The following SLC1A2 variants were observed in gnomAD, a reference collection of about 807,000 sequenced individuals.
SLC1A2 encodes excitatory amino acid transporter 2.
SLC1A2 carries 15 observed loss-of-function variants against 48.8 expected under a neutral mutation model. That is an observed-to-expected ratio of 0.31 (90% CI 0.21 to 0.47). SLC1A2 has a LOEUF of 0.47. SLC1A2 is among the 20% of genes least tolerant of loss of function. SLC1A2 has a pLI of 0.99. For synonymous variants in SLC1A2, 279 were observed against 272.6 expected, an observed-to-expected ratio of 1.02 and a Z score of -0.23; for missense variants, 502 against 730.5, an observed-to-expected ratio of 0.69 and a Z score of 3.61.
chr11:35,298,106 G>A (rs1851228996), intron 6 of SLC1A2: 1 of 152,154 alleles, frequency 6.6e-6, no homozygotes, highest in Non-Finnish European at 1.5e-5. Flanking sequence ...TTCTCATTTG[G>A]TAAATGGGTT....
chr11:35,403,959 A>G (rs1054533031), intron 1 of SLC1A2, among the ~76,000 whole-genome samples: 1 of 34,004 alleles, frequency 2.9e-5, no homozygotes, highest in Non-Finnish European at 7.5e-5. Context: ...AGTCCTCTCT[A>G]AGCAAACATA....
chr11:35,403,648 C>A (rs1855196903), intron 1 of SLC1A2, among the ~76,000 whole-genome samples: 1 of 152,104 alleles, frequency 6.6e-6, no homozygotes, highest in South Asian at 2.1e-4. Flanking sequence ...TAAAGCAGGT[C>A]CTGCTTCCCA....
intron 1 of SLC1A2, among the ~76,000 whole-genome samples, chr11:35,363,575 C>G (rs949985657): frequency 6.6e-6 from 1 of 152,130 alleles, no homozygotes; most frequent in African/African-American, 2.4e-5. Context: ...GGCTTGGTCT[C>G]AAAATGACAG....
chr11:35,330,983 AG>A (rs1852406921), intron 1 of SLC1A2, among the ~76,000 whole-genome samples: 1 of 152,242 alleles, frequency 6.6e-6, no homozygotes, highest in African/African-American at 2.4e-5. Context: ...AAACTAAGGT[AG>A]TACCAGACCT....
intron 9 of SLC1A2, among the ~76,000 whole-genome samples, chr11:35,275,915 A>T (rs935382251): frequency 6.6e-5 from 10 of 152,154 alleles, no homozygotes; most frequent in Non-Finnish European, 1.0e-4. Context: ...CAGAGCTCAC[A>T]ACCAAGAGCT....
intron 1 of SLC1A2, among the ~76,000 whole-genome samples, chr11:35,339,319 C>T (rs1479484072): frequency 6.6e-6 from 1 of 152,214 alleles, no homozygotes; most frequent in East Asian, 1.9e-4. Context: ...TCAGTCAGGA[C>T]AGATTTTGCT....
chr11:35,322,439 C>T lies in SLC1A2; in HGVS notation c.18-4923G>A, dbSNP rs188718181. On this transcript the variant is annotated intron_variant, in intron 1 of 10. Coordinates refer to ENST00000278379, the MANE Select transcript of SLC1A2 (RefSeq NM_004171.4). The stretch of plus-strand genomic sequence containing the variant: ...ACTTCAGTGTCACCTTAGCTGGCAC[C>T]AAACTCTTTTTTCCACCTTCACTGA... The T allele has an allele frequency of 5.0e-4, 315 of 635,236 alleles. 1 individual carries two copies. The African/African-American group carries it at 5.2e-3, about 10-fold the overall frequency. 39.3% of individuals were successfully genotyped at this position (635,236 alleles called of 1,614,324 possible).
At chr11:35,391,978 A>G (rs1438013182) in intron 1 of SLC1A2, among the ~76,000 whole-genome samples, 1 of 152,206 alleles carries the variant, frequency 6.6e-6, no homozygotes, top group Non-Finnish European at 1.5e-5. Flanking sequence ...TGCGCTATCC[A>G]TTGCACCACA....
At chr11:35,393,565 C>T (rs1004306299) in intron 1 of SLC1A2, among the ~76,000 whole-genome samples, 3 of 152,146 alleles carry the variant, frequency 2.0e-5, no homozygotes, top group African/African-American at 7.2e-5. Flanking sequence ...GCCTATTGTC[C>T]TGAGCAGAGA....
At chr11:35,394,293 C>T (rs970437493) in intron 1 of SLC1A2, among the ~76,000 whole-genome samples, 1 of 152,068 alleles carries the variant, frequency 6.6e-6, no homozygotes, top group African/African-American at 2.4e-5. Context: ...CAAAACGGGT[C>T]TCCAAAGCCT....
intron 1 of SLC1A2, chr11:35,374,201 T>C: frequency 1.9e-6 from 1 of 515,332 alleles, no homozygotes; most frequent in South Asian, 2.1e-5. Flanking sequence ...CCTCCCTCGC[T>C]CTGTGACTTG....
intron 10 of SLC1A2, among the ~76,000 whole-genome samples, chr11:35,262,681 A>G (rs1386986334): frequency 6.6e-6 from 1 of 152,214 alleles, no homozygotes; most frequent in Non-Finnish European, 1.5e-5. Flanking sequence ...CAGCATCAAC[A>G]CAGTTAACTG....
intron 1 of SLC1A2, among the ~76,000 whole-genome samples, chr11:35,322,243 G>A (rs922620559): frequency 1.3e-5 from 2 of 152,116 alleles, no homozygotes; most frequent in Non-Finnish European, 1.5e-5. Context: ...TCAGCTTATC[G>A]TGCAAATCAT....
At chr11:35,320,566 G>C (rs901881396) in intron 1 of SLC1A2, among the ~76,000 whole-genome samples, 2 of 152,326 alleles carry the variant, frequency 1.3e-5, no homozygotes, top group Middle Eastern at 3.4e-3. Context: ...ACCAGTCTAT[G>C]AGCCCCAGGA....
At chr11:35,355,284 C>A (rs1450046323) in intron 1 of SLC1A2, among the ~76,000 whole-genome samples, 1 of 152,198 alleles carries the variant, frequency 6.6e-6, no homozygotes. Flanking sequence ...ATGAGACCAA[C>A]CATGGTGAGC....
chr11:35,261,653 T>G (rs1324323635), intron 10 of SLC1A2: 2 of 398,488 alleles, frequency 5.0e-6, no homozygotes, highest in Non-Finnish European at 8.8e-6. Flanking sequence ...CACTTCTAAG[T>G]AGTTTTCCTA....
chr11:35,303,358 T>C (rs1469771452), intron 5 of SLC1A2, among the ~76,000 whole-genome samples: 1 of 152,212 alleles, frequency 6.6e-6, no homozygotes, highest in East Asian at 1.9e-4. Context: ...TAGTATCTCC[T>C]CTTTTTGCTC....
intron 1 of SLC1A2, chr11:35,391,209 T>C (rs1854759175): frequency 6.6e-6 from 1 of 152,232 alleles, no homozygotes; most frequent in Non-Finnish European, 1.5e-5. Flanking sequence ...GCTGCTTTTG[T>C]GATGCAATGG....
intron 9 of SLC1A2, among the ~76,000 whole-genome samples, chr11:35,268,474 T>G (rs911841973): frequency 2.0e-5 from 3 of 152,038 alleles, no homozygotes; most frequent in African/African-American, 4.8e-5. Flanking sequence ...GTCAGGCATT[T>G]GAGACCAGCC....
Sources: allele counts gnomAD v4.1 joint callset (sites outside exome capture counted in the v4.1 genomes callset), GRCh38; gene constraint gnomAD v4.1.1; transcripts MANE v1.5; gene names NCBI Gene and HGNC (gene_info 2026-07-23, HGNC 2026-07-21).